Variants in LRP12 observed in about 807,000 individuals in gnomAD.
LRP12 encodes low-density lipoprotein receptor-related protein 12.
A neutral mutation model predicts 66.0 loss-of-function variants in LRP12; 14 were observed. That is an observed-to-expected ratio of 0.21 (90% CI 0.14 to 0.33). The LOEUF is 0.33. LRP12 is among the 10% of genes least tolerant of loss of function. The pLI, the probability that LRP12 is intolerant of heterozygous loss-of-function variation, is 1.00. For missense variants in LRP12, 889 were observed against 1,053.4 expected (o/e 0.84, Z 2.16); for synonymous variants, 357 against 359.1 (o/e 0.99, Z 0.07).
At chr8:104,554,425 A>C (rs1811774425) in intron 1 of LRP12, among the ~76,000 whole-genome samples, 1 of 152,174 alleles carries the variant, frequency 6.6e-6, no homozygotes, top group Admixed American at 6.5e-5. Flanking sequence ...AGATAGCATA[A>C]ATAAAAAACA....
chr8:104,523,907 T>C (rs2140855728), intron 2 of LRP12, among the ~76,000 whole-genome samples: 1 of 152,258 alleles, frequency 6.6e-6, no homozygotes, highest in African/African-American at 2.4e-5. Context: ...TTTTCTCTTA[T>C]GATTTTCTTA....
intron 2 of LRP12, among the ~76,000 whole-genome samples, chr8:104,528,764 G>C (rs1460906668): frequency 1.3e-5 from 2 of 150,428 alleles, no homozygotes; most frequent in Non-Finnish European, 2.9e-5. Context: ...AACAGAGAGA[G>C]TGAGACTCCA....
At chr8:104,526,064 GC>G (rs1811233212) in intron 2 of LRP12, among the ~76,000 whole-genome samples, 1 of 152,082 alleles carries the variant, frequency 6.6e-6, no homozygotes, top group Non-Finnish European at 1.5e-5. Flanking sequence ...CAAATCATGA[GC>G]GAACTCCCAT....
chr8:104,587,672 G>A (rs1330570674), intron 1 of LRP12, among the ~76,000 whole-genome samples: 5 of 152,102 alleles, frequency 3.3e-5, no homozygotes, highest in Non-Finnish European at 5.9e-5. Flanking sequence ...ATTCAATTCC[G>A]TAGATAAATG....
At chr8:104,546,890 TAATTATTATTA>T (rs1454642333) in intron 1 of LRP12, among the ~76,000 whole-genome samples, 7 of 83,780 alleles carry the variant, frequency 8.4e-5, no homozygotes, top group Non-Finnish European at 1.4e-4. Context: ...ATTCTTCTTA[TAATTATTATTA>T]TATATATTAT....
chr8:104,518,227 A>C (rs1248057263), intron 2 of LRP12, among the ~76,000 whole-genome samples: 1 of 152,146 alleles, frequency 6.6e-6, no homozygotes, highest in Non-Finnish European at 1.5e-5. Context: ...TGATAATGTT[A>C]TAAAATTACC....
chr8:104,519,552 G>A (rs1338437613), intron 2 of LRP12, among the ~76,000 whole-genome samples: 1 of 151,966 alleles, frequency 6.6e-6, no homozygotes. Context: ...TGAGCATCAT[G>A]TCAGTGCTCT....
intron 1 of LRP12, among the ~76,000 whole-genome samples, chr8:104,571,903 C>T (rs570340044): frequency 1.3e-5 from 2 of 152,338 alleles, no homozygotes; most frequent in East Asian, 3.9e-4. Flanking sequence ...AAACTGGTCC[C>T]TGGTGTCAGA....
intron 1 of LRP12, among the ~76,000 whole-genome samples, chr8:104,574,243 T>G (rs999498993): frequency 8.5e-5 from 13 of 152,212 alleles, no homozygotes; most frequent in African/African-American, 2.7e-4. Flanking sequence ...GGTTTCTTAT[T>G]GTCATTTTAA....
At chr8:104,565,422 C>T (rs961581451) in intron 1 of LRP12, among the ~76,000 whole-genome samples, 2 of 151,882 alleles carry the variant, frequency 1.3e-5, no homozygotes, top group East Asian at 1.9e-4. Context: ...AAATGTTTAA[C>T]GTAAAAGTTA....
At chr8:104,544,832 T>C (rs1454404731) in intron 1 of LRP12, among the ~76,000 whole-genome samples, 1 of 152,198 alleles carries the variant, frequency 6.6e-6, no homozygotes, top group Admixed American at 6.5e-5. Context: ...CATATTTCCA[T>C]GCCTGCTAAC....
intron 1 of LRP12, among the ~76,000 whole-genome samples, chr8:104,551,531 T>C (rs1268994420): frequency 6.6e-6 from 1 of 152,146 alleles, no homozygotes; most frequent in Non-Finnish European, 1.5e-5. Context: ...CTCCTACCTC[T>C]AGTAGTCCCC....
intron 2 of LRP12, among the ~76,000 whole-genome samples, chr8:104,529,524 C>A (rs1010669167): frequency 1.4e-4 from 22 of 152,260 alleles, no homozygotes; most frequent in African/African-American, 5.3e-4. Context: ...TATCAATGCT[C>A]AAGAAGAGCC....
At chr8:104,579,357 GA>G (rs34372008) in intron 1 of LRP12, among the ~76,000 whole-genome samples, 4,655 of 152,060 alleles carry the variant, frequency 0.031, 236 homozygotes, top group African/African-American at 0.11. Context: ...AAATACCCAG[GA>G]ACACAGCTAA....
intron 1 of LRP12, among the ~76,000 whole-genome samples, chr8:104,571,321 C>A (rs1381455796): frequency 1.3e-5 from 2 of 152,108 alleles, no homozygotes; most frequent in African/African-American, 4.8e-5. Context: ...GGTGGGTGAG[C>A]AAGCACTACC....
chr8:104,557,240 A>G (rs1392111343), intron 1 of LRP12, among the ~76,000 whole-genome samples: 1 of 152,170 alleles, frequency 6.6e-6, no homozygotes, highest in Non-Finnish European at 1.5e-5. Context: ...AAGGATGCCC[A>G]CTTTCACCAC....
At chr8:104,519,208 A>T (rs868057047) in intron 2 of LRP12, among the ~76,000 whole-genome samples, 1 of 151,802 alleles carries the variant, frequency 6.6e-6, no homozygotes, top group Non-Finnish European at 1.5e-5. Flanking sequence ...GGGTTTTCTG[A>T]CTCCTTGGCA....
chr8:104,578,828 A>G (rs1812204405), intron 1 of LRP12, among the ~76,000 whole-genome samples: 1 of 152,196 alleles, frequency 6.6e-6, no homozygotes, highest in South Asian at 2.1e-4. Flanking sequence ...GACAAAAACC[A>G]CATGATTATC....
rs1350930138 is a variant in LRP12 at position 104,499,513 on chromosome 8, C to G, written c.279G>C (p.Gln93His). Residue 93 changes from glutamine to histidine, a missense_variant, in exon 4 of 7, where the codon CAG becomes CAC. By Grantham distance (24) the Gln-to-His change is conservative. This residue lies in a region of LRP12 where 800 missense variants were observed against 964.5 expected (regional missense o/e 0.83). Coordinates refer to ENST00000276654, the MANE Select transcript of LRP12 (RefSeq NM_013437.5). ...TTCTGGATCCTTGAATATCAAAATCCTGAAAACTGAAAAAAAAATCAGAAA... is the reference window on the plus strand; with the variant it reads ...TTCTGGATCCTTGAATATCAAAATCGTGAAAACTGAAAAAAAAATCAGAAA... ...NPGEIITISFQDFDIQGSRRC... is the reference protein window; with the variant it reads ...NPGEIITISFHDFDIQGSRRC... 2 of 1,579,984 alleles carry G rather than the reference C, an allele frequency of 1.3e-6. No homozygotes were observed. Among genetic ancestry groups the G allele is most frequent in the East Asian group, 4.5e-5 (2 of 44,600 alleles).
Sources: gnomAD v4.1 joint callset for allele counts (sites outside exome capture counted in the v4.1 genomes callset) on GRCh38, gnomAD v4.1.1 for gene constraint, gnomAD v4.1.1 regional missense constraint, MANE v1.5 for transcripts, NCBI Gene and HGNC (gene_info 2026-07-23, HGNC 2026-07-21) for gene names.